Variants in CNTNAP2 observed in about 807,000 individuals in gnomAD.
The protein encoded by CNTNAP2 is contactin associated protein 2.
In CNTNAP2, 98 loss-of-function variants were observed where a neutral mutation model predicts 155.2. The ratio of observed to expected loss-of-function variants is 0.63; its 90% CI spans 0.54 to 0.75. The LOEUF (loss-of-function observed/expected upper bound fraction) is 0.75. CNTNAP2 is among the 30% of genes least tolerant of loss of function. CNTNAP2 has a pLI of 0.00. For synonymous variants in CNTNAP2, 651 were observed against 631.2 expected, an observed-to-expected ratio of 1.03 and a Z score of -0.47; for missense variants, 1,727 against 1,688.1, an observed-to-expected ratio of 1.02 and a Z score of -0.40.
At chr7:146,930,317 A>G (rs1361881427) in intron 3 of CNTNAP2, among the ~76,000 whole-genome samples, 3 of 152,092 alleles carry the variant, frequency 2.0e-5, no homozygotes, top group Admixed American at 1.3e-4. Flanking sequence ...TTCAACCCAG[A>G]ATTTCATATC....
intron 13 of CNTNAP2, among the ~76,000 whole-genome samples, chr7:147,853,332 C>G (rs375813971): frequency 1.2e-4 from 19 of 152,254 alleles, no homozygotes; most frequent in Non-Finnish European, 2.4e-4. Flanking sequence ...AGAACTGTTA[C>G]GAAGGAAATG....
At chr7:147,628,993 G>C (rs1438144760) in intron 12 of CNTNAP2, among the ~76,000 whole-genome samples, 1 of 151,826 alleles carries the variant, frequency 6.6e-6, no homozygotes, top group African/African-American at 2.4e-5. Context: ...ATTTATAAGG[G>C]AATTATTACC....
chr7:148,024,068 T>C (rs967241190), intron 15 of CNTNAP2, among the ~76,000 whole-genome samples: 1 of 151,050 alleles, frequency 6.6e-6, no homozygotes, highest in African/African-American at 2.4e-5. Context: ...TGCCTTTTTA[T>C]GCTATATCCT....
At chr7:147,264,470 G>A (rs545084148) in intron 8 of CNTNAP2, among the ~76,000 whole-genome samples, 1 of 151,808 alleles carries the variant, frequency 6.6e-6, no homozygotes, top group East Asian at 2.0e-4. Flanking sequence ...GGAAGTGAGG[G>A]GTTGTGAATA....
intron 1 of CNTNAP2, among the ~76,000 whole-genome samples, chr7:146,235,478 A>G (rs1161208350): frequency 6.6e-6 from 1 of 152,160 alleles, no homozygotes; most frequent in African/African-American, 2.4e-5. Flanking sequence ...GATAGAAAAG[A>G]AAAGGCAACT....
intron 2 of CNTNAP2, among the ~76,000 whole-genome samples, chr7:146,813,973 G>A (rs185522777): frequency 6.2e-4 from 94 of 152,218 alleles, no homozygotes; most frequent in African/African-American, 2.1e-3. Flanking sequence ...AGAAGGATGT[G>A]TTTACTTCCC....
intron 13 of CNTNAP2, among the ~76,000 whole-genome samples, chr7:147,796,911 T>A (rs1797905107): frequency 6.6e-6 from 1 of 152,220 alleles, no homozygotes. Context: ...TCATTCATTC[T>A]CTTTATTACC....
intron 1 of CNTNAP2, among the ~76,000 whole-genome samples, chr7:146,233,925 T>C (rs548591037): frequency 4.0e-4 from 60 of 150,870 alleles, no homozygotes; most frequent in Middle Eastern, 3.4e-3. Flanking sequence ...GCAATAAACA[T>C]ACGTGTGCAT....
chr7:147,108,467 A>G (rs1196185971), intron 5 of CNTNAP2, 117 bp downstream of exon 5: 15 of 888,336 alleles, frequency 1.7e-5, no homozygotes, highest in Non-Finnish European at 2.4e-5. Context: ...TTATATTTCA[A>G]TTCATACTTA....
In CNTNAP2 at chr7:147,972,388, T is replaced by C. The variant is rs561406727; in HGVS notation, c.2256-5474T>C. On this transcript the variant is annotated intron_variant, in intron 14 of 23. Transcript: ENST00000361727. ...ATATTTGGTAGAAGAGCAGGCTTAT[T>C]GTAAAAACTGGGGATGTTTATTTTT... Among the ~76,000 whole-genome samples, 7 of 152,336 alleles carry C rather than the reference T, an allele frequency of 4.6e-5. No homozygotes were observed. The East Asian group carries it at 1.4e-3, about 29-fold the overall frequency.
At chr7:148,298,153 A>G (rs575518796) in intron 21 of CNTNAP2, among the ~76,000 whole-genome samples, 1 of 152,330 alleles carries the variant, frequency 6.6e-6, no homozygotes, top group Non-Finnish European at 1.5e-5. Context: ...CCTTAATCCT[A>G]TAAAAACCAA....
At chr7:146,865,463 A>G (rs1353050651) in intron 3 of CNTNAP2, among the ~76,000 whole-genome samples, 1 of 152,172 alleles carries the variant, frequency 6.6e-6, no homozygotes, top group African/African-American at 2.4e-5. Context: ...ATATAGATGA[A>G]GAGTCCAAAA....
intron 1 of CNTNAP2, among the ~76,000 whole-genome samples, chr7:146,165,488 T>G (rs1291163511): frequency 6.6e-6 from 1 of 152,206 alleles, no homozygotes; most frequent in Non-Finnish European, 1.5e-5. Flanking sequence ...AAACAGGTTA[T>G]AAAAGTTATC....
intron 8 of CNTNAP2, among the ~76,000 whole-genome samples, chr7:147,224,675 G>A (rs1290655365): frequency 3.3e-5 from 5 of 151,644 alleles, no homozygotes; most frequent in Admixed American, 6.6e-5. Context: ...AATGGGTGAA[G>A]TATGAATGGG....
chr7:146,593,767 T>G (rs1028355500), intron 1 of CNTNAP2, among the ~76,000 whole-genome samples: 1 of 152,242 alleles, frequency 6.6e-6, no homozygotes, highest in African/African-American at 2.4e-5. Context: ...TGAAAAAAGG[T>G]TTTCTTCTTG....
At chr7:147,059,008 A>G (rs1799614275) in intron 4 of CNTNAP2, among the ~76,000 whole-genome samples, 1 of 152,178 alleles carries the variant, frequency 6.6e-6, no homozygotes. Flanking sequence ...ACACCACACA[A>G]TACCACTCCT....
chr7:147,824,923 A>G (rs2116626796), intron 13 of CNTNAP2, among the ~76,000 whole-genome samples: 1 of 152,292 alleles, frequency 6.6e-6, no homozygotes, highest in African/African-American at 2.4e-5. Context: ...GACAGGGAAA[A>G]GAAAATTTTG....
intron 4 of CNTNAP2, among the ~76,000 whole-genome samples, chr7:147,083,880 ACATATACACATGTATGTATATATTATATG>A (rs1159620922): frequency 1.5e-5 from 2 of 133,828 alleles, no homozygotes; most frequent in Non-Finnish European, 3.0e-5. Context: ...CATATTATAT[ACATATACACATGTATGTATATATTATATG>A]CATATATACA....
At chr7:147,521,266 A>C (rs1437849439) in intron 11 of CNTNAP2, among the ~76,000 whole-genome samples, 1 of 152,118 alleles carries the variant, frequency 6.6e-6, no homozygotes, top group Non-Finnish European at 1.5e-5. Flanking sequence ...TCCTCTATTG[A>C]TCATAGTTCC....
Sources: allele counts gnomAD v4.1 joint callset (sites outside exome capture counted in the v4.1 genomes callset), GRCh38; gene constraint gnomAD v4.1.1; transcripts MANE v1.5; gene names NCBI Gene and HGNC (gene_info 2026-07-23, HGNC 2026-07-21).